GALNT10: variants seen among roughly 807,000 people sequenced by gnomAD.
GALNT10 encodes the protein GalNAc transferase 10.
GALNT10 carries 41 observed loss-of-function variants against 75.0 expected under a neutral mutation model. The observed-to-expected ratio is 0.55, with a 90% confidence interval of 0.43 to 0.71. The LOEUF is 0.71. Ranked by LOEUF, GALNT10 falls within the 30% of genes least tolerant of loss-of-function variation. The pLI is 0.00. For synonymous variants in GALNT10, 302 were observed against 313.0 expected (o/e 0.96, Z 0.37); for missense variants, 727 against 818.5 (o/e 0.89, Z 1.36).
At chr5:154,217,865 CAAAAATAGCTA>C in intron 1 of GALNT10, 2 of 291,278 alleles carry the variant, frequency 6.9e-6, no homozygotes, top group South Asian at 1.3e-4. Context: ...TGTAAGAGCT[CAAAAATAGCTA>C]TTAATTTTTT....
chr5:154,292,148 C>T (rs1010795343), intron 1 of GALNT10, among the ~76,000 whole-genome samples: 1 of 152,220 alleles, frequency 6.6e-6, no homozygotes, highest in African/African-American at 2.4e-5. Context: ...TAATTATCTG[C>T]TCAACTTGAT....
chr5:154,401,205 A>G (rs1156908306), intron 7 of GALNT10, among the ~76,000 whole-genome samples: 1 of 152,234 alleles, frequency 6.6e-6, no homozygotes, highest in Non-Finnish European at 1.5e-5. Flanking sequence ...GAAATTTATC[A>G]TCCACCTGCA....
chr5:154,415,950 G>C lies in GALNT10; in HGVS notation c.1653+18G>C. 2 of 1,612,012 alleles carry C rather than the reference G, an allele frequency of 1.2e-6. No homozygotes were observed. Among genetic ancestry groups the C allele is most frequent in the Non-Finnish European group, 1.7e-6 (2 of 1,178,582 alleles). On this transcript the variant is annotated intron_variant, in intron 11 of 11. Coordinates refer to ENST00000297107, the MANE Select transcript of GALNT10 (RefSeq NM_198321.4). ...ACCGCAAAGTAAGATGGGATGCGGG[G>C]GGAGCAGGGCACCTGCTTAATTTTT...
chr5:154,373,133 A>G (rs1347771226), intron 4 of GALNT10, among the ~76,000 whole-genome samples: 3 of 152,172 alleles, frequency 2.0e-5, no homozygotes. Context: ...CAGCCTCAGA[A>G]TCTTTCTTAA....
At chr5:154,267,602 A>G (rs1753798145) in intron 1 of GALNT10, among the ~76,000 whole-genome samples, 1 of 152,192 alleles carries the variant, frequency 6.6e-6, no homozygotes, top group Non-Finnish European at 1.5e-5. Flanking sequence ...TTTTGGCCCC[A>G]GTGTTGACCT....
At chr5:154,390,501 G>C (rs1226886037) in intron 7 of GALNT10, among the ~76,000 whole-genome samples, 2 of 152,192 alleles carry the variant, frequency 1.3e-5, no homozygotes, top group Non-Finnish European at 2.9e-5. Flanking sequence ...CTTTCTAAAA[G>C]CCTCCTCCCA....
At chr5:154,191,430 C>T (rs1244028889) in intron 1 of GALNT10, among the ~76,000 whole-genome samples, 6 of 25,898 alleles carry the variant, frequency 2.3e-4, no homozygotes, top group Admixed American at 6.5e-4. Context: ...TGCTTCCCTC[C>T]TCCCACCCCC....
chr5:154,198,070 A>G (rs969225102), intron 1 of GALNT10, among the ~76,000 whole-genome samples: 45 of 152,286 alleles, frequency 3.0e-4, no homozygotes, highest in African/African-American at 1.0e-3. Context: ...AGTGGAGCAC[A>G]TAAGGTCATG....
At chr5:154,191,091 C>A (rs923571649) in intron 1 of GALNT10, 66 bp downstream of exon 1, 96 of 1,054,314 alleles carry the variant, frequency 9.1e-5, no homozygotes, top group Non-Finnish European at 1.1e-4. Flanking sequence ...GCCTGTGGTT[C>A]CTTCCTCCAC....
Position 154,404,671 on chromosome 5 carries a change from G to A in GALNT10, c.1164+460G>A, listed in dbSNP as rs192336366. Among the ~76,000 whole-genome samples the A allele has an allele frequency of 3.1e-3, 467 of 152,298 alleles. 2 individuals are homozygous for A. Among genetic ancestry groups the A allele is most frequent in the African/African-American group, 0.011 (458 of 41,554 alleles). On this transcript the variant is annotated intron_variant, in intron 8 of 11. Transcript: ENST00000297107. ...TACTTAGCATACAGCTAAAGTAGGT[G>A]CAAAGTTAGACCAGAGGTGATGTAA...
intron 3 of GALNT10, among the ~76,000 whole-genome samples, chr5:154,323,828 C>T (rs1034735130): frequency 1.3e-5 from 2 of 152,204 alleles, no homozygotes; most frequent in South Asian, 2.1e-4. Flanking sequence ...CCACCCCCTA[C>T]GATGTTCAGT....
At chr5:154,259,266 C>A (rs1051988763) in intron 1 of GALNT10, among the ~76,000 whole-genome samples, 2 of 152,122 alleles carry the variant, frequency 1.3e-5, no homozygotes, top group Admixed American at 1.3e-4. Context: ...TGCAGAATAT[C>A]CCCCAGTTTG....
chr5:154,374,068 C>T (rs1314070097), intron 4 of GALNT10, among the ~76,000 whole-genome samples: 3 of 151,848 alleles, frequency 2.0e-5, no homozygotes, highest in African/African-American at 4.8e-5. Flanking sequence ...TTTCTTTTTT[C>T]GAACATAGTG....
At chr5:154,256,344 GTT>G (rs1561642481) in intron 1 of GALNT10, among the ~76,000 whole-genome samples, 129 of 27,978 alleles carry the variant, frequency 4.6e-3, no homozygotes, top group African/African-American at 8.6e-3. Context: ...AACAGAGGCT[GTT>G]GTTTTTGTTT....
intron 1 of GALNT10, among the ~76,000 whole-genome samples, chr5:154,191,811 T>C (rs980216532): frequency 1.3e-5 from 2 of 152,268 alleles, no homozygotes; most frequent in African/African-American, 4.8e-5. Context: ...AAGCCTTCCC[T>C]ATCTCTTCTG....
At chr5:154,212,647 G>A (rs116035096) in intron 1 of GALNT10, among the ~76,000 whole-genome samples, 1,547 of 152,312 alleles carry the variant, frequency 0.01, 19 homozygotes, top group African/African-American at 0.035. Flanking sequence ...AAGTGAGTGA[G>A]TTACAGCTTG....
At chr5:154,252,274 T>C (rs1159218568) in intron 1 of GALNT10, among the ~76,000 whole-genome samples, 1 of 152,130 alleles carries the variant, frequency 6.6e-6, no homozygotes, top group Non-Finnish European at 1.5e-5. Flanking sequence ...GGTGAGTATA[T>C]AGTTAATATT....
chr5:154,245,650 G>A (rs1298107525), intron 1 of GALNT10, among the ~76,000 whole-genome samples: 2 of 151,914 alleles, frequency 1.3e-5, no homozygotes, highest in African/African-American at 4.8e-5. Context: ...CACAATCAGA[G>A]GGGAGAATCT....
At chr5:154,223,201 G>T (rs920736027) in intron 1 of GALNT10, among the ~76,000 whole-genome samples, 3 of 146,586 alleles carry the variant, frequency 2.0e-5, no homozygotes, top group African/African-American at 8.3e-5. Context: ...GGAGGGAGAG[G>T]CGTAAGGCAT....
Sources: allele counts gnomAD v4.1 joint callset (sites outside exome capture counted in the v4.1 genomes callset), GRCh38; gene constraint gnomAD v4.1.1; transcripts MANE v1.5; gene names NCBI Gene and HGNC (gene_info 2026-07-23, HGNC 2026-07-21).